Variants in HIVEP3 observed in about 807,000 individuals in gnomAD.
The protein encoded by HIVEP3 is transcription factor HIVEP3.
HIVEP3 carries 49 observed loss-of-function variants against 152.8 expected under a neutral mutation model. That is an observed-to-expected ratio of 0.32 (90% confidence interval 0.26 to 0.41). The LOEUF (loss-of-function observed/expected upper bound fraction) is 0.41. HIVEP3 is among the 10% of genes least tolerant of loss of function. The probability of loss-of-function intolerance (pLI) is 1.00; values close to 1 mark genes in which losing one functional copy is unlikely to be tolerated. For synonymous variants in HIVEP3, 1,269 were observed against 1,289.0 expected (o/e 0.98, Z 0.33); for missense variants, 2,790 against 3,103.3 (o/e 0.90, Z 2.40).
chr1:41,961,989 A>G (rs1027685178), intron 1 of HIVEP3, among the ~76,000 whole-genome samples: 1 of 152,366 alleles, frequency 6.6e-6, no homozygotes, highest in Admixed American at 6.5e-5. Flanking sequence ...TTCCCAGCAA[A>G]CATTAGCTAG....
intron 1 of HIVEP3, among the ~76,000 whole-genome samples, chr1:41,878,517 C>T (rs1644206827): frequency 6.6e-6 from 1 of 152,174 alleles, no homozygotes; most frequent in African/African-American, 2.4e-5. Context: ...TTTACAACCA[C>T]CTTTGCAAGT....
At chr1:41,986,350 G>A (rs934176266) in intron 1 of HIVEP3, among the ~76,000 whole-genome samples, 1 of 151,754 alleles carries the variant, frequency 6.6e-6, no homozygotes, top group Non-Finnish European at 1.5e-5. Flanking sequence ...TAATTACAAG[G>A]CTTCCATGCA....
At chr1:41,672,278 A>C (rs1180589981) in intron 2 of HIVEP3, among the ~76,000 whole-genome samples, 5 of 151,862 alleles carry the variant, frequency 3.3e-5, no homozygotes, top group Non-Finnish European at 7.4e-5. Flanking sequence ...CCAGACCCCC[A>C]CCTGAGCTCT....
chr1:42,003,810 G>A (rs868199712), intron 1 of HIVEP3, among the ~76,000 whole-genome samples: 1 of 150,542 alleles, frequency 6.6e-6, no homozygotes, highest in African/African-American at 2.4e-5. Context: ...AGGCACTCTC[G>A]TCACCTCAAG....
chr1:42,003,787 A>G (rs1222760714), intron 1 of HIVEP3, among the ~76,000 whole-genome samples: 1 of 134,038 alleles, frequency 7.5e-6, no homozygotes, highest in Non-Finnish European at 1.6e-5. Context: ...TTTTTAGGGC[A>G]AAAAAAAAAA....
intron 1 of HIVEP3, among the ~76,000 whole-genome samples, chr1:41,879,209 G>A (rs1644222777): frequency 6.6e-6 from 1 of 152,150 alleles, no homozygotes; most frequent in African/African-American, 2.4e-5. Context: ...CCTGTTCCAG[G>A]TGCCTGACAT....
intron 1 of HIVEP3, among the ~76,000 whole-genome samples, chr1:42,022,376 A>G (rs894428393): frequency 3.3e-5 from 5 of 152,106 alleles, no homozygotes; most frequent in African/African-American, 4.8e-5. Context: ...CTTCCTGCCC[A>G]TAAACTTACC....
intron 3 of HIVEP3, among the ~76,000 whole-genome samples, chr1:41,601,369 C>T (rs1198873625): frequency 6.6e-6 from 1 of 152,078 alleles, no homozygotes; most frequent in Non-Finnish European, 1.5e-5. Context: ...AATATTAATT[C>T]TTCCAATCCA....
chr1:41,904,928 AC>A (rs1436904347), intron 1 of HIVEP3, among the ~76,000 whole-genome samples: 1 of 152,186 alleles, frequency 6.6e-6, no homozygotes, highest in Non-Finnish European at 1.5e-5. Context: ...AGCATCTACA[AC>A]CCTGGCTGTG....
intron 1 of HIVEP3, among the ~76,000 whole-genome samples, chr1:42,003,897 G>T (rs1195812482): frequency 2.6e-5 from 4 of 152,070 alleles, no homozygotes; most frequent in Non-Finnish European, 5.9e-5. Context: ...AAATTAAGCT[G>T]CTGTTAAATG....
chr1:42,009,844 T>C (rs1357970541), intron 1 of HIVEP3, among the ~76,000 whole-genome samples: 2 of 152,222 alleles, frequency 1.3e-5, no homozygotes, highest in South Asian at 2.1e-4. Flanking sequence ...TTTTTACATA[T>C]TTCTTAAATT....
intron 3 of HIVEP3, among the ~76,000 whole-genome samples, chr1:41,609,310 G>A (rs977034431): frequency 1.3e-5 from 2 of 152,232 alleles, no homozygotes; most frequent in Admixed American, 6.5e-5. Flanking sequence ...GGCCCCCACC[G>A]ATGCACAATG....
At chr1:41,963,611 A>C (rs944039645) in intron 1 of HIVEP3, among the ~76,000 whole-genome samples, 1 of 152,138 alleles carries the variant, frequency 6.6e-6, no homozygotes, top group African/African-American at 2.4e-5. Context: ...CCAACATGGC[A>C]CATGTATACA....
At chr1:41,951,800 C>A (rs1349831531) in intron 1 of HIVEP3, among the ~76,000 whole-genome samples, 1 of 152,118 alleles carries the variant, frequency 6.6e-6, no homozygotes, top group Admixed American at 6.5e-5. Flanking sequence ...ATGAGAAAAG[C>A]ATGGGGGAAA....
intron 1 of HIVEP3, among the ~76,000 whole-genome samples, chr1:42,018,815 T>C (rs890439506): frequency 4.6e-5 from 7 of 152,170 alleles, no homozygotes; most frequent in African/African-American, 1.7e-4. Flanking sequence ...TATATTTACC[T>C]TCCCATCATT....
At chr1:42,035,603 G>A (rs1053664609) in intron 1 of HIVEP3, among the ~76,000 whole-genome samples, 5 of 152,004 alleles carry the variant, frequency 3.3e-5, no homozygotes, top group Non-Finnish European at 5.9e-5. Flanking sequence ...CCGGAGCTGC[G>A]GAGGCCAGAC....
At chr1:41,661,087 T>G (rs1645704611) in intron 2 of HIVEP3, among the ~76,000 whole-genome samples, 1 of 152,344 alleles carries the variant, frequency 6.6e-6, no homozygotes, top group Admixed American at 6.5e-5. Context: ...AAACATTTTT[T>G]ACTTACGTGA....
At chr1:41,928,752 T>C (rs945664960) in intron 1 of HIVEP3, among the ~76,000 whole-genome samples, 6 of 152,208 alleles carry the variant, frequency 3.9e-5, no homozygotes, top group African/African-American at 1.4e-4. Context: ...TCTGATGTTT[T>C]TTCGTGATTA....
chr1:41,841,705 C>T (rs961445420), intron 1 of HIVEP3, among the ~76,000 whole-genome samples: 4 of 152,208 alleles, frequency 2.6e-5, no homozygotes, highest in Non-Finnish European at 5.9e-5. Context: ...AATGTCCTCA[C>T]GCGTAAGTGA....
Sources: allele counts gnomAD v4.1 joint callset (sites outside exome capture counted in the v4.1 genomes callset), GRCh38; gene constraint gnomAD v4.1.1; transcripts MANE v1.5; gene names NCBI Gene and HGNC (gene_info 2026-07-23, HGNC 2026-07-21).